The following MYO15A variants were observed in gnomAD, a reference collection of about 807,000 sequenced individuals.
MYO15A encodes unconventional myosin-XV.
MYO15A carries 308 observed loss-of-function variants against 394.6 expected under a neutral mutation model. The ratio of observed to expected loss-of-function variants is 0.78; its 90% CI spans 0.71 to 0.86. The LOEUF is 0.86. Ranked by LOEUF, MYO15A falls within the 40% of genes least tolerant of loss-of-function variation. MYO15A has a pLI of 0.00. For missense variants in MYO15A, 4,606 were observed against 4,799.1 expected, an observed-to-expected ratio of 0.96 and a Z score of 1.19; for synonymous variants, 1,957 against 2,003.8, an observed-to-expected ratio of 0.98 and a Z score of 0.62.
intron 55 of MYO15A, 121 bp downstream of exon 55, chr17:18,159,800 C>T (rs918701613): frequency 2.1e-6 from 3 of 1,445,894 alleles, no homozygotes; most frequent in Admixed American, 1.9e-5. Context: ...AAGAGGAATG[C>T]ATCATGCTGG....
intron 1 of MYO15A, among the ~76,000 whole-genome samples, chr17:18,112,535 G>T (rs1269652302): frequency 6.6e-6 from 1 of 152,120 alleles, no homozygotes; most frequent in African/African-American, 2.4e-5. Context: ...GTGCATATCT[G>T]TAGCTGGGAT....
intron 1 of MYO15A, among the ~76,000 whole-genome samples, chr17:18,115,020 C>G (rs75028106): frequency 0.016 from 2,496 of 152,250 alleles, 56 homozygotes; most frequent in African/African-American, 0.055. Flanking sequence ...GATCCTGGGC[C>G]CTACTTCCTC....
In MYO15A at chr17:18,119,172, CCG is replaced by C. The variant is rs878853239; in HGVS notation, c.373_374del (p.Arg125ValfsTer102). 5 of 1,612,376 alleles carry C rather than the reference CCG, an allele frequency of 3.1e-6. No homozygotes were observed. The highest frequency in any genetic ancestry group is 8.5e-7 in the Non-Finnish European group (1 of 1,179,830). ...RGYGRLRPRA[R>X]SLSKASTAIN... ...GCTACGGCCGCCTGCGGCCGCGCGC[CCG>C]GTCACTCAGCAAAGCGTCCACGGCC... On this transcript the variant is annotated frameshift_variant, in exon 2 of 66. Transcript: ENST00000647165. LOFTEE classifies it high-confidence loss of function.
chr17:18,124,979 C>T lies in MYO15A; in HGVS notation c.3693-189C>T, dbSNP rs544631340. 6.0e-5 allele frequency: 39 copies of T among 652,962 alleles called. No homozygotes were observed. In the African/African-American group the frequency reaches 6.4e-4, roughly 11 times the overall value. The allele number at this position is 652,962 out of a possible 1,614,324, so 40.4% of individuals were successfully genotyped here. A position where few individuals can be genotyped will look rare whatever the true frequency, so the allele number is the denominator to read the frequency against. On this transcript the variant is annotated intron_variant, in intron 3 of 65. Transcript: ENST00000647165. ...AAGTAGGTACAATGATTATCATACC[C>T]ATTGGACAAATGAAGAAAAAGGCAC...
chr17:18,142,047 T>A (rs763053743), intron 23 of MYO15A, 32 bp from the exon 24 acceptor site: 2 of 1,609,930 alleles, frequency 1.2e-6, no homozygotes, highest in East Asian at 4.5e-5. Flanking sequence ...TCCTGGCTCC[T>A]ATCTGCCTCA....
At position 18,119,801 on chromosome 17, in the gene MYO15A, G is replaced by A; in HGVS notation, c.1001G>A (p.Gly334Asp). The change falls in exon 2 of 66, where the codon GGC becomes GAC. Residue 334 changes from glycine to aspartate, a missense_variant. Gly to Asp is a moderately conservative substitution (Grantham distance 94). Transcript: ENST00000647165. The stretch of plus-strand genomic sequence containing the variant: ...TACAGCTACCACGATGGGTACGAGG[G>A]CGAGGCGCACCCTTATGGCTACTAC... ...SPYSYHDGYEGEAHPYGYYLD... is the reference protein window; with the variant it reads ...SPYSYHDGYEDEAHPYGYYLD... 4 of 1,613,126 alleles carry A rather than the reference G, an allele frequency of 2.5e-6. No individual in the cohort carries two copies. The African/African-American group carries it at 4.0e-5, about 16-fold the overall frequency.
chr17:18,113,571 C>T (rs1425733916), intron 1 of MYO15A, among the ~76,000 whole-genome samples: 1 of 152,008 alleles, frequency 6.6e-6, no homozygotes, highest in Non-Finnish European at 1.5e-5. Flanking sequence ...CCAGCCCGGC[C>T]AACATGGCAA....
chr17:18,149,109 C>A, intron 33 of MYO15A, 107 bp from the exon 34 acceptor site: 3 of 1,516,484 alleles, frequency 2.0e-6, no homozygotes, highest in Non-Finnish European at 2.7e-6. Context: ...CCAAAGGATC[C>A]TGCTTTTAAA....
Position 18,120,204 on chromosome 17 carries a change from G to A in MYO15A, c.1404G>A (p.Arg468=). Residue 468 remains arginine (R), a synonymous_variant, in exon 2 of 66, where the codon AGG becomes AGA. Transcript: ENST00000647165. ...FEQQGMDKPA[R]SKLSLIRKFR... Reference sequence around the variant, plus strand: ...AGCAAGGCATGGATAAGCCCGCCAGGTCCAAGCTGTCCCTCATCCGCAAGT... The same window carrying A: ...AGCAAGGCATGGATAAGCCCGCCAGATCCAAGCTGTCCCTCATCCGCAAGT... The A allele has an allele frequency of 1.9e-6, 3 of 1,612,848 alleles. No homozygotes were observed. Among genetic ancestry groups the A allele is most frequent in the Non-Finnish European group, 2.5e-6 (3 of 1,179,940 alleles).
At chr17:18,130,692 C>A in intron 7 of MYO15A, 113 bp from the exon 8 acceptor site, 1 of 1,573,478 alleles carries the variant, frequency 6.4e-7, no homozygotes, top group Admixed American at 1.7e-5. Flanking sequence ...TTTTACTAGT[C>A]CCTCCCTGGT....
chr17:18,124,272 C>A, intron 2 of MYO15A: 1 of 631,244 alleles, frequency 1.6e-6, no homozygotes, highest in Non-Finnish European at 2.9e-6. Flanking sequence ...CCTGCCTGGG[C>A]ACTGAGGGTA....
Position 18,125,404 on chromosome 17 carries a change from G to A in MYO15A, c.3756+173G>A, listed in dbSNP as rs150118154. The stretch of plus-strand genomic sequence containing the variant: ...TCTTAAAACACAGTCTTAGAATGGT[G>A]GATGCCAGAGGCCGGGCACAGTGGC... On this transcript the variant is annotated intron_variant, in intron 4 of 65. Transcript: ENST00000647165. 64 of 676,816 alleles carry A rather than the reference G, an allele frequency of 9.5e-5. No homozygotes were observed. In the African/African-American group the frequency reaches 9.5e-4, roughly 10 times the overall value. The allele number at this position is 676,816 out of a possible 1,614,324, so 41.9% of individuals were successfully genotyped here. A position where few individuals can be genotyped will look rare whatever the true frequency, so the allele number is the denominator to read the frequency against.
rs371020749 is a variant in MYO15A at position 18,149,455 on chromosome 17, G to C, written c.7118-31G>C. ...TGGGGTGGAAATCATCAAGAAAAAA[G>C]AACTTGACATTTTTGTGCCTTCCCC... On this transcript the variant is annotated intron_variant, in intron 34 of 65. Transcript: ENST00000647165. 5.0e-6 allele frequency: 8 copies of C among 1,614,080 alleles called. No individual in the cohort carries two copies. The African/African-American group carries it at 9.3e-5, about 19-fold the overall frequency.
At chr17:18,144,445 A>G in intron 28 of MYO15A, 52 bp from the exon 29 acceptor site, 1 of 1,427,584 alleles carries the variant, frequency 7.0e-7, no homozygotes, top group Non-Finnish European at 9.5e-7. Context: ...GTGGGTCCAG[A>G]TGTGCCTGTC....
chr17:18,148,611 G>A lies in MYO15A; in HGVS notation c.6764+43G>A, dbSNP rs922280969. ...CCTCCCAGCACACTCTTATGTACCT[G>A]GAATGTTGTGGGGGGAGGTCAGATC... On this transcript the variant is annotated intron_variant, in intron 32 of 65. Coordinates refer to ENST00000647165, the MANE Select transcript of MYO15A (RefSeq NM_016239.4). The surrounding 1 kb of genome is among the most constrained non-coding windows in gnomAD (Gnocchi z 4.8). The A allele has an allele frequency of 3.9e-6, 6 of 1,549,884 alleles. No individual in the cohort carries two copies. The African/African-American group carries it at 6.9e-5, about 18-fold the overall frequency.
Position 18,163,858 on chromosome 17 carries a change from A to G in MYO15A, c.9787+20A>G. 1 of 1,609,516 alleles carries G rather than the reference A, an allele frequency of 6.2e-7. No individual in the cohort carries two copies. The highest frequency in any genetic ancestry group is 1.1e-5 in the South Asian group (1 of 90,330). On this transcript the variant is annotated intron_variant, in intron 60 of 65. Transcript: ENST00000647165. The stretch of plus-strand genomic sequence containing the variant: ...ACCGTGGTGAGTGCCAGGAAGACTG[A>G]GCATGCTGGGCCCATTCCCATCCCC...
chr17:18,138,292 C>T (rs776265368), intron 17 of MYO15A, 46 bp downstream of exon 17: 4 of 1,598,896 alleles, frequency 2.5e-6, no homozygotes, highest in Admixed American at 3.4e-5. Flanking sequence ...ACAGATCTCT[C>T]AGCCTCATGT....
Position 18,120,448 on chromosome 17 carries a change from G to A in MYO15A, c.1648G>A (p.Gly550Ser), listed in dbSNP as rs1188067480. 6.3e-7 allele frequency: 1 copy of A among 1,579,582 alleles called. No homozygotes were observed. The highest frequency in any genetic ancestry group is 1.1e-5 in the South Asian group (1 of 88,754). ...RNLQRALSAFGAHRGLGFGPE... is the reference protein window; with the variant it reads ...RNLQRALSAFSAHRGLGFGPE... ...CCTCCAGCGCGCGCTGTCGGCCTTC[G>A]GCGCCCACCGGGGCCTGGGCTTCGG... The change falls in exon 2 of 66, where the codon GGC becomes AGC. Residue 550 changes from glycine to serine, a missense_variant. Gly to Ser is a moderately conservative substitution (Grantham distance 56). Coordinates refer to ENST00000647165, the MANE Select transcript of MYO15A (RefSeq NM_016239.4).
chr17:18,121,406 C>T lies in MYO15A; in HGVS notation c.2606C>T (p.Pro869Leu), dbSNP rs1199238921. The change falls in exon 2 of 66, where the codon CCG becomes CTG. Residue 869 changes from proline to leucine, a missense_variant. Pro to Leu is a moderately conservative substitution (Grantham distance 98). Around this residue, in one of 2 missense-constraint regions of MYO15A, gnomAD observed 1,830 missense variants for 1,689.7 expected, o/e 1.08. Transcript: ENST00000647165. The surrounding 1 kb of genome is among the most constrained non-coding windows in gnomAD (Gnocchi z 5.3). Reference sequence around the variant, plus strand: ...TCCCTGAATCTGCCCTCGCGCCTCCCGCACACGTGGCGGCGCCTCAGCGAG... The same window carrying T: ...TCCCTGAATCTGCCCTCGCGCCTCCTGCACACGTGGCGGCGCCTCAGCGAG... ...RSSLNLPSRL[P>L]HTWRRLSEPP... 2 of 1,539,488 alleles carry T rather than the reference C, an allele frequency of 1.3e-6. No individual in the cohort carries two copies.
Sources: allele counts gnomAD v4.1 joint callset (sites outside exome capture counted in the v4.1 genomes callset), GRCh38; gene constraint gnomAD v4.1.1; regional missense constraint gnomAD v4.1.1; non-coding constraint Gnocchi (gnomAD v3.1); transcripts MANE v1.5; gene names NCBI Gene and HGNC (gene_info 2026-07-23, HGNC 2026-07-21).